The following TTLL7 variants were observed in gnomAD, a reference collection of about 807,000 sequenced individuals.
TTLL7 encodes tubulin polyglutamylase TTLL7.
Under a neutral mutation model 120.2 loss-of-function variants are expected in TTLL7, and 53 were observed. The observed-to-expected ratio is 0.44, with a 90% CI of 0.35 to 0.55. The LOEUF (loss-of-function observed/expected upper bound fraction) is 0.55, where lower values mean the gene tolerates loss of function less well. TTLL7 is among the 20% of genes least tolerant of loss of function. The probability of loss-of-function intolerance (pLI) is 0.00; values close to 1 mark genes in which losing one functional copy is unlikely to be tolerated. For missense variants in TTLL7, 803 were observed against 1,054.7 expected (o/e 0.76, Z 3.31); for synonymous variants, 353 against 351.7 (o/e 1.00, Z -0.04).
At chr1:83,966,926 G>C (rs188970723) in intron 1 of TTLL7, among the ~76,000 whole-genome samples, 1 of 152,080 alleles carries the variant, frequency 6.6e-6, no homozygotes, top group Non-Finnish European at 1.5e-5. Flanking sequence ...ATGATGTTGT[G>C]TGGAAAAACA....
chr1:83,890,299 T>C, intron 19 of TTLL7, 22 bp downstream of exon 19: 1 of 1,577,954 alleles, frequency 6.3e-7, no homozygotes, highest in Non-Finnish European at 8.6e-7. Flanking sequence ...ATGACGATAA[T>C]AAAAGATGAC....
chr1:83,906,616 C>A (rs1657222271), intron 16 of TTLL7, 153 bp from the exon 17 acceptor site: 12 of 1,064,892 alleles, frequency 1.1e-5, no homozygotes, highest in Admixed American at 2.2e-5. Context: ...CTTGTGAATT[C>A]TTTGGATTAA....
intron 18 of TTLL7, chr1:83,900,241 T>A: frequency 5.1e-6 from 2 of 395,374 alleles, no homozygotes; most frequent in Non-Finnish European, 9.8e-6. Flanking sequence ...TGCTACTGAG[T>A]CTAGAATTAA....
chr1:83,989,205 T>C (rs1418641656), intron 1 of TTLL7, among the ~76,000 whole-genome samples: 1 of 152,226 alleles, frequency 6.6e-6, no homozygotes, highest in Non-Finnish European at 1.5e-5. Context: ...CTATAAATTT[T>C]TTTGCTGCAA....
At chr1:83,890,810 G>C (rs1655400761) in intron 18 of TTLL7, among the ~76,000 whole-genome samples, 1 of 151,990 alleles carries the variant, frequency 6.6e-6, no homozygotes, top group African/African-American at 2.4e-5. Flanking sequence ...TCTAGAAATA[G>C]GCCCATGCAT....
At chr1:83,945,247 G>T (rs1328058277) in intron 6 of TTLL7, among the ~76,000 whole-genome samples, 1 of 152,262 alleles carries the variant, frequency 6.6e-6, no homozygotes, top group African/African-American at 2.4e-5. Flanking sequence ...CCAATATGCT[G>T]TCTACAAGAG....
chr1:83,986,231 G>A (rs564829063), intron 1 of TTLL7, among the ~76,000 whole-genome samples: 1 of 152,274 alleles, frequency 6.6e-6, no homozygotes, highest in East Asian at 1.9e-4. Flanking sequence ...TATGTATAAT[G>A]TGTGTGTATG....
At chr1:83,876,465 C>T (rs1653935249) in intron 20 of TTLL7, among the ~76,000 whole-genome samples, 1 of 151,706 alleles carries the variant, frequency 6.6e-6, no homozygotes, top group South Asian at 2.1e-4. Context: ...AATTCTTCTC[C>T]CCGCCAAAAA....
intron 10 of TTLL7, among the ~76,000 whole-genome samples, chr1:83,922,222 A>C (rs1658733550): frequency 6.6e-6 from 1 of 152,118 alleles, no homozygotes; most frequent in African/African-American, 2.4e-5. Flanking sequence ...AAACAAACAA[A>C]CAACAAAAAC....
At chr1:83,896,810 T>C (rs1461545119) in intron 18 of TTLL7, among the ~76,000 whole-genome samples, 1 of 152,136 alleles carries the variant, frequency 6.6e-6, no homozygotes, top group African/African-American at 2.4e-5. Flanking sequence ...TCTTAGTTTA[T>C]GTTTAGGTAT....
chr1:83,949,692 G>T, intron 4 of TTLL7, 173 bp downstream of exon 4: 1 of 618,546 alleles, frequency 1.6e-6, no homozygotes, highest in South Asian at 2.3e-5. Context: ...GTCTGCAAAA[G>T]ATGCAGGCTT....
In TTLL7 at chr1:83,951,862, C is replaced by A; in HGVS notation, c.140G>T (p.Gly47Val). The A allele has an allele frequency of 6.2e-7, 1 of 1,608,948 alleles. No individual in the cohort carries two copies. Among genetic ancestry groups the A allele is most frequent in the Non-Finnish European group, 8.5e-7 (1 of 1,178,582 alleles). The change falls in exon 3 of 21, where the codon GGG becomes GTG. Residue 47 changes from glycine to valine, a missense_variant. Gly to Val is a moderately radical substitution (Grantham distance 109). Around this residue, in one of 3 missense-constraint regions of TTLL7, gnomAD observed 91 missense variants for 96.6 expected, o/e 0.94. Coordinates refer to ENST00000260505, the MANE Select transcript of TTLL7 (RefSeq NM_024686.6). ...KKGTITANVAGTKFEIVRLVI... is the reference protein window; with the variant it reads ...KKGTITANVAVTKFEIVRLVI... ...AAACCTACCAATTTCAAACTTTGTC[C>A]CGGCAACATTTGCTGTAATGGTTCC...
Position 83,947,237 on chromosome 1 carries a change from A to G in TTLL7, c.393T>C (p.Thr131=). 1 of 1,612,444 alleles carries G rather than the reference A, an allele frequency of 6.2e-7. No individual in the cohort carries two copies. Among genetic ancestry groups the G allele is most frequent in the East Asian group, 2.2e-5 (1 of 44,770 alleles). Residue 131 remains threonine (T), a synonymous_variant, in exon 6 of 21, where the codon ACT becomes ACC. Coordinates refer to ENST00000260505, the MANE Select transcript of TTLL7 (RefSeq NM_024686.6). ...GAGTATATTCAGCAGGAAAGATCCA[A>G]GTTCGAGGAACAAAGGTATAATCCA... ...RPLDYTFVPR[T]WIFPAEYTQF... is the part of the protein sequence containing the mutation.
At chr1:83,978,178 A>C (rs937831362) in intron 1 of TTLL7, among the ~76,000 whole-genome samples, 8 of 152,174 alleles carry the variant, frequency 5.3e-5, no homozygotes, top group African/African-American at 1.4e-4. Context: ...CCATTATGGA[A>C]TCTAAGGCAG....
intron 14 of TTLL7, among the ~76,000 whole-genome samples, chr1:83,916,018 T>C (rs1008274306): frequency 6.6e-6 from 1 of 152,032 alleles, no homozygotes; most frequent in Non-Finnish European, 1.5e-5. Flanking sequence ...TGTGGAGAAA[T>C]AGGAACACTT....
At chr1:83,893,402 A>C (rs1287219544) in intron 18 of TTLL7, among the ~76,000 whole-genome samples, 1 of 152,120 alleles carries the variant, frequency 6.6e-6, no homozygotes, top group East Asian at 1.9e-4. Context: ...AAAAATGAAC[A>C]CCAAATACTA....
intron 14 of TTLL7, among the ~76,000 whole-genome samples, chr1:83,914,323 C>CTTTTTTTTTTTTTTTTTTTTTT (rs1171299360): frequency 1.3e-5 from 1 of 78,244 alleles, no homozygotes; most frequent in African/African-American, 5.1e-5. Context: ...CTCTCTCTCT[C>CTTTTTTTTTTTTTTTTTTTTTT]TTTTTTTTTT....
rs7514157 is a variant in TTLL7, at chr1:83,903,066, C to T, written c.2208+1013G>A. ...TTCTCATGATTCTCTTAAATTCTAA[C>T]AGGCTATGTAACTTCTTTACTCAAA... On this transcript the variant is annotated intron_variant, in intron 18 of 20. Coordinates refer to ENST00000260505, the MANE Select transcript of TTLL7 (RefSeq NM_024686.6). Among the ~76,000 whole-genome samples the T allele has an allele frequency of 2.2e-3, 339 of 152,056 alleles. 1 individual carries two copies. Among genetic ancestry groups the T allele is most frequent in the African/African-American group, 7.8e-3 (325 of 41,524 alleles).
At chr1:83,974,140 A>G (rs1030905793) in intron 1 of TTLL7, among the ~76,000 whole-genome samples, 5 of 152,046 alleles carry the variant, frequency 3.3e-5, no homozygotes, top group Admixed American at 3.3e-4. Flanking sequence ...AAAGCAAATA[A>G]ACAGGCATTT....
Sources: gnomAD v4.1 joint callset for allele counts (sites outside exome capture counted in the v4.1 genomes callset) on GRCh38, gnomAD v4.1.1 for gene constraint, gnomAD v4.1.1 regional missense constraint, MANE v1.5 for transcripts, NCBI Gene and HGNC (gene_info 2026-07-23, HGNC 2026-07-21) for gene names.